The following PDGFD variants were observed in gnomAD, a reference collection of about 807,000 sequenced individuals.
The protein encoded by PDGFD is platelet derived growth factor D.
A neutral mutation model predicts 44.7 loss-of-function variants in PDGFD; 30 were observed. That is an observed-to-expected ratio of 0.67 (90% CI 0.50 to 0.91). The LOEUF (loss-of-function observed/expected upper bound fraction) is 0.91. PDGFD is among the 40% of genes least tolerant of loss of function. The pLI, the probability that PDGFD is intolerant of heterozygous loss-of-function variation, is 0.00. For missense variants in PDGFD, 445 were observed against 457.8 expected (o/e 0.97, Z 0.25); for synonymous variants, 173 against 168.4 (o/e 1.03, Z -0.21).
intron 3 of PDGFD, among the ~76,000 whole-genome samples, chr11:103,953,324 A>T (rs1475989790): frequency 2.0e-5 from 3 of 152,162 alleles, no homozygotes; most frequent in Admixed American, 2.0e-4. Context: ...TCCTTAAAAT[A>T]AAATGAACTC....
intron 6 of PDGFD, among the ~76,000 whole-genome samples, chr11:103,911,944 G>C (rs1858035072): frequency 7.4e-6 from 1 of 135,416 alleles, no homozygotes; most frequent in Non-Finnish European, 1.6e-5. Flanking sequence ...AGAGTGAAAA[G>C]AAACAAACAA....
chr11:104,079,239 G>C (rs1283409049), intron 1 of PDGFD, among the ~76,000 whole-genome samples: 1 of 152,164 alleles, frequency 6.6e-6, no homozygotes, highest in Non-Finnish European at 1.5e-5. Flanking sequence ...ACCACAACAT[G>C]TAGGTGATAG....
At chr11:104,044,031 C>A (rs1357661616) in intron 1 of PDGFD, among the ~76,000 whole-genome samples, 1 of 152,116 alleles carries the variant, frequency 6.6e-6, no homozygotes, top group Non-Finnish European at 1.5e-5. Flanking sequence ...GAACAACCAG[C>A]GAAATAGTCA....
intron 6 of PDGFD, among the ~76,000 whole-genome samples, chr11:103,913,889 G>C (rs1858070780): frequency 6.6e-6 from 1 of 152,180 alleles, no homozygotes; most frequent in Non-Finnish European, 1.5e-5. Flanking sequence ...AAATAAACTA[G>C]AAAATCTAGA....
intron 1 of PDGFD, among the ~76,000 whole-genome samples, chr11:104,047,625 A>G (rs1860464908): frequency 6.8e-6 from 1 of 146,648 alleles, no homozygotes; most frequent in Non-Finnish European, 1.5e-5. Context: ...ATAAGGAAAA[A>G]CTCCAAAGTA....
At chr11:104,107,024 C>T (rs551687993) in intron 1 of PDGFD, among the ~76,000 whole-genome samples, 40 of 152,184 alleles carry the variant, frequency 2.6e-4, no homozygotes, top group Admixed American at 2.4e-3. Flanking sequence ...GGATTAGAGG[C>T]GTGAGCTACC....
intron 1 of PDGFD, among the ~76,000 whole-genome samples, chr11:104,157,001 G>A (rs1477081654): frequency 6.6e-6 from 1 of 152,110 alleles, no homozygotes; most frequent in East Asian, 1.9e-4. Context: ...CCCTCACATA[G>A]AAGTGTAAAA....
At chr11:104,037,898 A>C in intron 1 of PDGFD, 1 of 1,614,046 alleles carries the variant, frequency 6.2e-7, no homozygotes, top group South Asian at 1.1e-5. Context: ...ACGCAGACTT[A>C]TTTTCTTCCT....
intron 2 of PDGFD, among the ~76,000 whole-genome samples, chr11:103,998,205 T>G (rs1859564690): frequency 6.6e-6 from 1 of 152,200 alleles, no homozygotes; most frequent in Non-Finnish European, 1.5e-5. Context: ...TTATTCATAA[T>G]AAGCCCCCTT....
intron 1 of PDGFD, among the ~76,000 whole-genome samples, chr11:104,124,767 C>G (rs374879027): frequency 9.9e-5 from 15 of 152,060 alleles, no homozygotes; most frequent in African/African-American, 3.6e-4. Flanking sequence ...TCCAGCAAAG[C>G]TGCACTCCAC....
Position 103,920,642 on chromosome 11 carries a change from T to A in PDGFD, c.987+6270A>T, listed in dbSNP as rs189309470. ...GTGAGTCATCAGGGAAGAAATGTAA[T>A]CAGAACTGAGAAAGCCAGACCAGGC... is the stretch of plus-strand genomic sequence containing the variant. On this transcript the variant is annotated intron_variant, in intron 6 of 6. Coordinates refer to ENST00000393158, the MANE Select transcript of PDGFD (RefSeq NM_025208.5). Among the ~76,000 whole-genome samples, 4 of 152,300 alleles carry A rather than the reference T, an allele frequency of 2.6e-5. No homozygotes were observed. The East Asian group carries it at 7.7e-4, about 29-fold the overall frequency.
intron 3 of PDGFD, among the ~76,000 whole-genome samples, chr11:103,981,571 T>A (rs1261662881): frequency 6.6e-6 from 1 of 151,764 alleles, no homozygotes; most frequent in Non-Finnish European, 1.5e-5. Flanking sequence ...TTACAAATGA[T>A]GAAACAGCAG....
chr11:104,004,563 G>A (rs1263951465), intron 1 of PDGFD, among the ~76,000 whole-genome samples: 2 of 152,064 alleles, frequency 1.3e-5, no homozygotes, highest in African/African-American at 2.4e-5. Flanking sequence ...ACTGAGGGAT[G>A]ACTATATTCG....
chr11:103,968,749 AC>A (rs1859056624), intron 3 of PDGFD, among the ~76,000 whole-genome samples: 1 of 152,178 alleles, frequency 6.6e-6, no homozygotes, highest in African/African-American at 2.4e-5. Flanking sequence ...CAAAATCGAA[AC>A]ATACAGCATT....
At chr11:103,929,333 T>C (rs1045450103) in intron 5 of PDGFD, among the ~76,000 whole-genome samples, 1 of 152,168 alleles carries the variant, frequency 6.6e-6, no homozygotes, top group East Asian at 1.9e-4. Flanking sequence ...TACTGGACTT[T>C]CCTGTCTGAT....
intron 1 of PDGFD, among the ~76,000 whole-genome samples, chr11:104,099,643 A>AATAATG (rs1055212301): frequency 1.2e-5 from 1 of 85,524 alleles, no homozygotes; most frequent in African/African-American, 4.5e-5. Flanking sequence ...AAACAATAAT[A>AATAATG]ATAATAATAA....
intron 1 of PDGFD, among the ~76,000 whole-genome samples, chr11:104,029,815 T>C (rs892708600): frequency 1.3e-5 from 2 of 152,348 alleles, no homozygotes; most frequent in Admixed American, 1.3e-4. Context: ...GTGGATAACA[T>C]GAAAAGTGGT....
intron 3 of PDGFD, among the ~76,000 whole-genome samples, chr11:103,964,303 A>G (rs1303511419): frequency 6.6e-6 from 1 of 152,184 alleles, no homozygotes; most frequent in Non-Finnish European, 1.5e-5. Flanking sequence ...ACAGGTGATT[A>G]GCAGCTGATA....
chr11:104,085,870 A>G (rs539398048), intron 1 of PDGFD, among the ~76,000 whole-genome samples: 4 of 152,290 alleles, frequency 2.6e-5, no homozygotes, highest in Non-Finnish European at 5.9e-5. Flanking sequence ...TCTTTATATT[A>G]TGATGAAAAG....
Sources: allele counts gnomAD v4.1 joint callset (sites outside exome capture counted in the v4.1 genomes callset), GRCh38; gene constraint gnomAD v4.1.1; transcripts MANE v1.5; gene names NCBI Gene and HGNC (gene_info 2026-07-23, HGNC 2026-07-21).